The following TBKBP1 variants were observed in gnomAD, a reference collection of about 807,000 sequenced individuals.
The protein encoded by TBKBP1 is TANK-binding kinase 1-binding protein 1.
Under a neutral mutation model 69.9 loss-of-function variants are expected in TBKBP1, and 47 were observed. The ratio of observed to expected loss-of-function variants is 0.67; its 90% confidence interval spans 0.53 to 0.86. The LOEUF is 0.86. TBKBP1 is among the 40% of genes least tolerant of loss of function. The pLI, the probability that TBKBP1 is intolerant of heterozygous loss-of-function variation, is 0.00. For missense variants in TBKBP1, 831 were observed against 858.6 expected (o/e 0.97, Z 0.40); for synonymous variants, 418 against 390.3 (o/e 1.07, Z -0.84).
At chr17:47,695,509 G>C (rs955472193) in intron 1 of TBKBP1, 1 of 152,572 alleles carries the variant, frequency 6.6e-6, no homozygotes, top group Admixed American at 6.5e-5. Context: ...CCACAGCCCC[G>C]GTGCGCCCGG....
chr17:47,696,055 C>G lies in TBKBP1; in HGVS notation c.-34-24C>G, dbSNP rs1300022953. On this transcript the variant is annotated intron_variant, in intron 1 of 9. Coordinates refer to ENST00000578982, the MANE Select transcript of TBKBP1 (RefSeq NM_001394755.1). ...ACAAACCCTAGACAGACGGCCCTGT[C>G]CACGGTTGCTCCTGCTCTCCTAGGA... 3 of 1,394,546 alleles carry G rather than the reference C, an allele frequency of 2.2e-6. No individual in the cohort carries two copies. In the African/African-American group the frequency reaches 4.3e-5, roughly 20 times the overall value. The allele number at this position is 1,394,546 out of a possible 1,614,324, so 86.4% of individuals were successfully genotyped here.
chr17:47,699,936 C>T (rs577499537), intron 7 of TBKBP1, among the ~76,000 whole-genome samples: 37 of 151,664 alleles, frequency 2.4e-4, no homozygotes, highest in Middle Eastern at 3.4e-3. Context: ...AATTCTCCTG[C>T]CTCAGCCTCC....
Position 47,708,774 on chromosome 17 carries a change from C to CCGGG in TBKBP1, c.1042_1043insGGGC (p.Pro348ArgfsTer118). The CCGGG allele has an allele frequency of 1.5e-5, 9 of 588,748 alleles. No homozygotes were observed. The highest frequency in any genetic ancestry group is 2.3e-5 in the Non-Finnish European group (8 of 349,424). 36.5% of individuals were successfully genotyped at this position (588,748 alleles called of 1,614,324 possible). A position where few individuals can be genotyped will look rare whatever the true frequency, so the allele number is the denominator to read the frequency against. On this transcript the variant is annotated frameshift_variant, in exon 9 of 10. Transcript: ENST00000578982. LOFTEE classifies it high-confidence loss of function. The surrounding 1 kb of genome is among the most constrained non-coding windows in gnomAD (Gnocchi z 4.4). Reference sequence around the variant, plus strand: ...AACGCCACTCCCCGGCCCCCCAGTGCCCCTCCCCCTCCCCGCCTGCCCGAG... The same window carrying CCGGG: ...AACGCCACTCCCCGGCCCCCCAGTGCCGGGCCCTCCCCCTCCCCGCCTGCCCGAG...
chr17:47,703,176 T>C (rs1379522356), intron 7 of TBKBP1, among the ~76,000 whole-genome samples: 2 of 152,042 alleles, frequency 1.3e-5, no homozygotes, highest in East Asian at 3.9e-4. Context: ...GGCTCAGCGC[T>C]GCAGCCCGGG....
Position 47,708,402 on chromosome 17 carries a change from T to G in TBKBP1, c.881T>G (p.Leu294Trp), listed in dbSNP as rs1447486434. ...VKRVGDDQVN[L>W]ALAYTELTEE... is the part of the protein sequence containing the mutation. Reference sequence around the variant, plus strand: ...CTGCCCTCTGACTTCAGGGTGAATTTGGCGCTGGCCTACACCGAGCTGACG... The same window carrying G: ...CTGCCCTCTGACTTCAGGGTGAATTGGGCGCTGGCCTACACCGAGCTGACG... Residue 294 changes from leucine to tryptophan, a missense_variant, in exon 8 of 10, where the codon TTG (leucine) becomes TGG (tryptophan). Coordinates refer to ENST00000578982, the MANE Select transcript of TBKBP1 (RefSeq NM_001394755.1). The surrounding 1 kb of genome is among the most constrained non-coding windows in gnomAD (Gnocchi z 4.4). 1 of 1,613,742 alleles carries G rather than the reference T, an allele frequency of 6.2e-7. No homozygotes were observed. The highest frequency in any genetic ancestry group is 8.5e-7 in the Non-Finnish European group (1 of 1,179,808).
chr17:47,701,803 C>G (rs551540975), intron 7 of TBKBP1, among the ~76,000 whole-genome samples: 1 of 152,340 alleles, frequency 6.6e-6, no homozygotes. Context: ...GCAGCCCCTT[C>G]CCTCTCTCTC....
chr17:47,710,671 A>C lies in TBKBP1; in HGVS notation c.*45A>C, dbSNP rs1597972528. 2.6e-6 allele frequency: 4 copies of C among 1,565,292 alleles called. No homozygotes were observed. The highest frequency in any genetic ancestry group is 1.1e-5 in the South Asian group (1 of 88,000). On this transcript the variant is annotated 3_prime_UTR_variant, in exon 10 of 10. Coordinates refer to ENST00000578982, the MANE Select transcript of TBKBP1 (RefSeq NM_001394755.1). Reference sequence around the variant, plus strand: ...GGCTGTTTCTCCGTCCTCTCCTATCACCCCCAAACACTCACTTTGAATGCT... The same window carrying C: ...GGCTGTTTCTCCGTCCTCTCCTATCCCCCCCAAACACTCACTTTGAATGCT...
Position 47,696,092 on chromosome 17 carries a change from G to A in TBKBP1, c.-21G>A, listed in dbSNP as rs372802274. Reference sequence around the variant, plus strand: ...CTGCTCTCCTAGGAGGCCCCGTGTGGGCCGCGGCCCGGCCCTCACCATGGA... The same window carrying A: ...CTGCTCTCCTAGGAGGCCCCGTGTGAGCCGCGGCCCGGCCCTCACCATGGA... On this transcript the variant is annotated 5_prime_UTR_variant, in exon 2 of 10. Transcript: ENST00000578982. The A allele has an allele frequency of 1.9e-6, 3 of 1,589,814 alleles. No individual in the cohort carries two copies. Among genetic ancestry groups the A allele is most frequent in the Non-Finnish European group, 2.6e-6 (3 of 1,169,100 alleles).
intron 7 of TBKBP1, among the ~76,000 whole-genome samples, chr17:47,701,475 C>T (rs1168018625): frequency 6.6e-6 from 1 of 152,164 alleles, no homozygotes; most frequent in African/African-American, 2.4e-5. Context: ...CCCCTCTTAC[C>T]AGACCAGCAG....
In TBKBP1 at chr17:47,711,752, C is replaced by T. The variant is rs992015297; in HGVS notation, c.*1126C>T. 2.6e-5 allele frequency: 4 copies of T among 152,472 alleles called. No individual in the cohort carries two copies. The highest frequency in any genetic ancestry group is 4.4e-5 in the Non-Finnish European group (3 of 68,046). 9.4% of individuals were successfully genotyped at this position (152,472 alleles called of 1,614,324 possible). A position where few individuals can be genotyped will look rare whatever the true frequency, so the allele number is the denominator to read the frequency against. On this transcript the variant is annotated 3_prime_UTR_variant, in exon 10 of 10. Transcript: ENST00000578982. ...GAAAGCCTGCCACCCCACAATGAAT[C>T]CACCCTGCTCCACTGCGCGCCTCTC...
At chr17:47,698,221 T>A (rs1202754088) in intron 4 of TBKBP1, among the ~76,000 whole-genome samples, 1 of 152,166 alleles carries the variant, frequency 6.6e-6, no homozygotes, top group Non-Finnish European at 1.5e-5. Flanking sequence ...AAAACAACCC[T>A]AAGAGGTGAG....
rs764873364 is a variant in TBKBP1 at position 47,708,466 on chromosome 17, G to A, written c.945G>A (p.Gln315=). Residue 315 remains glutamine (Q), a synonymous_variant, in exon 8 of 10, where the codon CAG becomes CAA. Transcript: ENST00000578982. The surrounding 1 kb of genome is among the most constrained non-coding windows in gnomAD (Gnocchi z 4.4). ...LGRLRELSSL[Q]GRILRTLLQE... is the part of the protein sequence containing the mutation. ...GGCTTCGGGAGTTGAGTTCCCTACA[G>A]GGGAGAATCTTGAGGACTCTGTTGC... 2.8e-5 allele frequency: 45 copies of A among 1,613,826 alleles called. No individual in the cohort carries two copies. In the African/African-American group the frequency reaches 5.1e-4, roughly 18 times the overall value.
chr17:47,708,569 C>G lies in TBKBP1; in HGVS notation c.991+57C>G, dbSNP rs1040489791. On this transcript the variant is annotated intron_variant, in intron 8 of 9. Coordinates refer to ENST00000578982, the MANE Select transcript of TBKBP1 (RefSeq NM_001394755.1). The surrounding 1 kb of genome is among the most constrained non-coding windows in gnomAD (Gnocchi z 4.4). ...GCGGGACCCGGGAAGGAGCGGGTAGCCATGGCAACCATCTTGGTCATGGGG... is the reference window on the plus strand; with the variant it reads ...GCGGGACCCGGGAAGGAGCGGGTAGGCATGGCAACCATCTTGGTCATGGGG... 5 of 1,577,486 alleles carry G rather than the reference C, an allele frequency of 3.2e-6. No individual in the cohort carries two copies. Among genetic ancestry groups the G allele is most frequent in the Non-Finnish European group, 4.3e-6 (5 of 1,151,714 alleles).
rs773927248 is a variant in TBKBP1, at chr17:47,696,321, A to C, written c.209A>C (p.Lys70Thr). 10 of 1,612,924 alleles carry C rather than the reference A, an allele frequency of 6.2e-6. No individual in the cohort carries two copies. The African/African-American group carries it at 1.3e-4, about 22-fold the overall frequency. ...RENATLRRRL[K>T]VYEIKYPLIS... Reference sequence around the variant, plus strand: ...AACGCCACCCTCCGACGCCGCCTCAAAGTCTACGAGATCAAGGTCAGAACT... The same window carrying C: ...AACGCCACCCTCCGACGCCGCCTCACAGTCTACGAGATCAAGGTCAGAACT... The change falls in exon 2 of 10, where the codon AAA becomes ACA. Residue 70 changes from lysine to threonine, a missense_variant. Physicochemically the swap from Lys to Thr is moderately conservative, Grantham distance 78. Coordinates refer to ENST00000578982, the MANE Select transcript of TBKBP1 (RefSeq NM_001394755.1).
At chr17:47,700,073 C>T (rs375347934) in intron 7 of TBKBP1, among the ~76,000 whole-genome samples, 9 of 150,618 alleles carry the variant, frequency 6.0e-5, no homozygotes, top group African/African-American at 2.0e-4. Context: ...CTGCAAGCTC[C>T]GCGTCCTGGT....
rs182475458 is a variant in TBKBP1 at position 47,703,853 on chromosome 17, A to C, written c.872+4156A>C. ...ATTGTCCCCCTTTTACAGATGAGCA[A>C]ACTGAGGTGCAGGGAAGTGAAGTAA... On this transcript the variant is annotated intron_variant, in intron 7 of 9. Transcript: ENST00000578982. Among the ~76,000 whole-genome samples, 8 of 152,316 alleles carry C rather than the reference A, an allele frequency of 5.3e-5. No individual in the cohort carries two copies. In the East Asian group the frequency reaches 1.5e-3, roughly 29 times the overall value.
chr17:47,697,623 C>T (rs2031301578), intron 4 of TBKBP1, among the ~76,000 whole-genome samples: 1 of 152,020 alleles, frequency 6.6e-6, no homozygotes, highest in Admixed American at 6.6e-5. Flanking sequence ...TGGGCCTGTG[C>T]TTGGGTGTGC....
In TBKBP1 at chr17:47,706,208, CTCTG is replaced by C. The variant is rs774189001; in HGVS notation, c.873-2180_873-2177del. Among the ~76,000 whole-genome samples the C allele has an allele frequency of 7.4e-4, 112 of 152,278 alleles. No homozygotes were observed. The Middle Eastern group carries it at 0.024, about 32-fold the overall frequency. ...TTGGCTATGTGGACAGAGGACCACACTCTGTCTGTGCCCTGCCCAGAGCCCTCTC... is the reference window on the plus strand; with the variant it reads ...TTGGCTATGTGGACAGAGGACCACACTCTGTGCCCTGCCCAGAGCCCTCTC... On this transcript the variant is annotated intron_variant, in intron 7 of 9. Coordinates refer to ENST00000578982, the MANE Select transcript of TBKBP1 (RefSeq NM_001394755.1).
At chr17:47,702,175 T>C (rs2031532791) in intron 7 of TBKBP1, among the ~76,000 whole-genome samples, 2 of 152,202 alleles carry the variant, frequency 1.3e-5, no homozygotes, top group African/African-American at 4.8e-5. Flanking sequence ...GAAGCCTCAG[T>C]CACTTGCTTT....
Sources: allele counts gnomAD v4.1 joint callset (sites outside exome capture counted in the v4.1 genomes callset), GRCh38; gene constraint gnomAD v4.1.1; non-coding constraint Gnocchi (gnomAD v3.1); transcripts MANE v1.5; gene names NCBI Gene and HGNC (gene_info 2026-07-23, HGNC 2026-07-21).